CSNK1G2: variants seen among roughly 807,000 people sequenced by gnomAD.
CSNK1G2 encodes casein kinase 1 gamma 2.
In CSNK1G2, 11 loss-of-function variants were observed where a neutral mutation model predicts 48.0. The ratio of observed to expected loss-of-function variants is 0.23; its 90% confidence interval spans 0.14 to 0.38. The LOEUF is 0.38. Ranked by LOEUF, CSNK1G2 falls within the 10% of genes least tolerant of loss-of-function variation. The probability of loss-of-function intolerance (pLI) is 1.00; values close to 1 mark genes in which losing one functional copy is unlikely to be tolerated. For missense variants in CSNK1G2, 446 were observed against 595.5 expected, an observed-to-expected ratio of 0.75 and a Z score of 2.61; for synonymous variants, 337 against 254.1, an observed-to-expected ratio of 1.33 and a Z score of -3.10.
Position 1,980,234 on chromosome 19 carries a change from T to C in CSNK1G2, c.*31T>C. On this transcript the variant is annotated 3_prime_UTR_variant, in exon 12 of 12. Transcript: ENST00000255641. Reference sequence around the variant, plus strand: ...GGCGCGTGCAGCCCCCTGAATCTTCTCCGTGCAGCCCCTTGGGGCGCGACC... The same window carrying C: ...GGCGCGTGCAGCCCCCTGAATCTTCCCCGTGCAGCCCCTTGGGGCGCGACC... The C allele has an allele frequency of 6.2e-7, 1 of 1,612,162 alleles. No individual in the cohort carries two copies. Among genetic ancestry groups the C allele is most frequent in the East Asian group, 2.2e-5 (1 of 44,846 alleles).
intron 2 of CSNK1G2, among the ~76,000 whole-genome samples, chr19:1,970,177 C>G (rs1233395837): frequency 6.6e-6 from 1 of 152,238 alleles, no homozygotes. Context: ...GGCCCTGTCA[C>G]CTTTTCGGGA....
In CSNK1G2 at chr19:1,944,545, G is replaced by A. The variant is rs141577731; in HGVS notation, c.-266+3127G>A. ...GCCAGTGGGAGCAGTGACAGCGAGGGGTGGTGGCCCTGCGGCCAGGGGACG... is the reference window on the plus strand; with the variant it reads ...GCCAGTGGGAGCAGTGACAGCGAGGAGTGGTGGCCCTGCGGCCAGGGGACG... On this transcript the variant is annotated intron_variant, in intron 1 of 11. Transcript: ENST00000255641. Among the ~76,000 whole-genome samples, 95 of 152,316 alleles carry A rather than the reference G, an allele frequency of 6.2e-4. 2 individuals are homozygous for A. The East Asian group carries it at 0.018, about 29-fold the overall frequency.
chr19:1,961,790 G>C (rs891495183), intron 1 of CSNK1G2, among the ~76,000 whole-genome samples: 1 of 152,246 alleles, frequency 6.6e-6, no homozygotes, highest in Non-Finnish European at 1.5e-5. Context: ...TTAGCCATGC[G>C]TGGGTGTTTC....
In CSNK1G2 at chr19:1,980,403, G is replaced by A. The variant is rs769144560; in HGVS notation, c.*200G>A. On this transcript the variant is annotated 3_prime_UTR_variant, in exon 12 of 12. Coordinates refer to ENST00000255641, the MANE Select transcript of CSNK1G2 (RefSeq NM_001319.7). ...GTCACTTCCTTCATGTAAGACTTTG[G>A]CCGAAATTTCTACACCTGTGTCTAG... The A allele has an allele frequency of 3.0e-6, 2 of 658,306 alleles. No individual in the cohort carries two copies. Among genetic ancestry groups the A allele is most frequent in the East Asian group, 2.7e-5 (1 of 37,208 alleles). 40.8% of individuals were successfully genotyped at this position (658,306 alleles called of 1,614,324 possible). A position where few individuals can be genotyped will look rare whatever the true frequency, so the allele number is the denominator to read the frequency against.
chr19:1,979,431 T>TGGC, intron 8 of CSNK1G2, 28 bp downstream of exon 8: 1 of 938,056 alleles, frequency 1.1e-6, no homozygotes, highest in Non-Finnish European at 1.6e-6. Flanking sequence ...CCCCGCCCTG[T>TGGC]GCCCCCCACC....
intron 2 of CSNK1G2, among the ~76,000 whole-genome samples, chr19:1,971,648 G>A (rs1322004263): frequency 6.6e-6 from 1 of 152,232 alleles, no homozygotes; most frequent in East Asian, 1.9e-4. Flanking sequence ...TGCAGCCTGC[G>A]GGGTATGGCT....
In CSNK1G2 at chr19:1,978,416, C is replaced by G. The variant is rs777980875; in HGVS notation, c.229-26C>G. ...GATTTCAGGGCAGCGACCCGGTCCC[C>G]TGGTGACTCGCTCTTGTGCCCCCAG... is the stretch of plus-strand genomic sequence containing the variant. On this transcript the variant is annotated intron_variant, in intron 3 of 11. Transcript: ENST00000255641. This position sits in a 1 kb window ranked among gnomAD's most constrained non-coding sequence, Gnocchi z 7.3. 1 of 1,611,874 alleles carries G rather than the reference C, an allele frequency of 6.2e-7. No individual in the cohort carries two copies. Among genetic ancestry groups the G allele is most frequent in the Admixed American group, 1.7e-5 (1 of 59,926 alleles).
At chr19:1,949,141 G>A (rs2145502943) in intron 1 of CSNK1G2, among the ~76,000 whole-genome samples, 1 of 152,266 alleles carries the variant, frequency 6.6e-6, no homozygotes, top group Admixed American at 6.5e-5. Context: ...AACCTGCCGT[G>A]GTCAAGGCTC....
In CSNK1G2 at chr19:1,951,335, G is replaced by A. The variant is rs1470708868; in HGVS notation, c.-266+9917G>A. Reference sequence around the variant, plus strand: ...GGAGAATGGCGTGAACCCGGGAGGCGGAGCTTGCAGTGAGCCGAGATCGCA... The same window carrying A: ...GGAGAATGGCGTGAACCCGGGAGGCAGAGCTTGCAGTGAGCCGAGATCGCA... On this transcript the variant is annotated intron_variant, in intron 1 of 11. Coordinates refer to ENST00000255641, the MANE Select transcript of CSNK1G2 (RefSeq NM_001319.7). 3.5e-5 allele frequency among the ~76,000 whole-genome samples: 5 copies of A among 144,612 alleles called. 2 individuals carry two copies. The highest frequency in any genetic ancestry group is 4.3e-4 in the East Asian group (2 of 4,618). The allele number at this position is 144,612 out of a possible 152,430, so 94.9% of individuals were successfully genotyped here.
intron 1 of CSNK1G2, chr19:1,954,259 G>T (rs1568185879): frequency 7.0e-6 from 2 of 285,888 alleles, no homozygotes; most frequent in Non-Finnish European, 1.4e-5. Flanking sequence ...GCCCCGCTCT[G>T]CTGTGGCCCT....
intron 2 of CSNK1G2, among the ~76,000 whole-genome samples, chr19:1,971,959 T>C (rs972333028): frequency 2.0e-5 from 3 of 152,056 alleles, no homozygotes; most frequent in Non-Finnish European, 4.4e-5. Flanking sequence ...TTAGTAGAGA[T>C]GGGGTTTCAC....
At chr19:1,973,609 C>A (rs2015651768) in intron 2 of CSNK1G2, among the ~76,000 whole-genome samples, 1 of 152,230 alleles carries the variant, frequency 6.6e-6, no homozygotes, top group South Asian at 2.1e-4. Context: ...CCTCTGTGCT[C>A]TCCTGGTGTC....
intron 2 of CSNK1G2, among the ~76,000 whole-genome samples, chr19:1,970,875 CACCCATGGCAGGCGGT>C (rs1009675747): frequency 5.9e-5 from 9 of 151,298 alleles, no homozygotes; most frequent in Admixed American, 5.9e-4. Flanking sequence ...CTCACGTGGG[CACCCATGGCAGGCGGT>C]GCCCATGGCA....
intron 2 of CSNK1G2, 135 bp downstream of exon 2, chr19:1,970,094 G>C: frequency 1.7e-6 from 1 of 597,770 alleles, no homozygotes; most frequent in African/African-American, 1.9e-5. Context: ...TGGCAGGTGC[G>C]TTGAATCATC....
At chr19:1,942,508 C>T (rs2014404456) in intron 1 of CSNK1G2, 1 of 152,372 alleles carries the variant, frequency 6.6e-6, no homozygotes, top group Non-Finnish European at 1.5e-5. Context: ...TCCACAAGGC[C>T]ATGTGGGGCT....
At chr19:1,966,494 C>T (rs567699368) in intron 1 of CSNK1G2, among the ~76,000 whole-genome samples, 5 of 152,254 alleles carry the variant, frequency 3.3e-5, no homozygotes, top group South Asian at 4.2e-4. Flanking sequence ...GCTTCAGTTG[C>T]GCTCTAGTCC....
rs2014769175 is a variant in CSNK1G2, at chr19:1,951,711, C to G, written c.-266+10293C>G. ...CTGTTTTTTTTTGGAGACAGAGTCTCACTGTGTCGCCCAGGCTGGAGTGCA... is the reference window on the plus strand; with the variant it reads ...CTGTTTTTTTTTGGAGACAGAGTCTGACTGTGTCGCCCAGGCTGGAGTGCA... On this transcript the variant is annotated intron_variant, in intron 1 of 11. Coordinates refer to ENST00000255641, the MANE Select transcript of CSNK1G2 (RefSeq NM_001319.7). Among the ~76,000 whole-genome samples the G allele has an allele frequency of 1.4e-5, 2 of 144,366 alleles. 1 individual carries two copies. The highest frequency in any genetic ancestry group is 5.4e-5 in the African/African-American group (2 of 37,320). The allele number at this position is 144,366 out of a possible 152,430, so 94.7% of individuals were successfully genotyped here.
At chr19:1,944,477 G>A (rs1340485085) in intron 1 of CSNK1G2, among the ~76,000 whole-genome samples, 1 of 152,178 alleles carries the variant, frequency 6.6e-6, no homozygotes, top group African/African-American at 2.4e-5. Context: ...GGTGTTTCCC[G>A]AGGGCTGACT....
intron 1 of CSNK1G2, among the ~76,000 whole-genome samples, chr19:1,947,496 C>G (rs1032502420): frequency 1.3e-5 from 2 of 152,240 alleles, no homozygotes; most frequent in African/African-American, 4.8e-5. Flanking sequence ...GGGCAGCTGG[C>G]GCTGATGCCC....
Sources: allele counts gnomAD v4.1 joint callset (sites outside exome capture counted in the v4.1 genomes callset), GRCh38; gene constraint gnomAD v4.1.1; non-coding constraint Gnocchi (gnomAD v3.1); transcripts MANE v1.5; gene names NCBI Gene and HGNC (gene_info 2026-07-23, HGNC 2026-07-21).